The following PRH1 variants were observed in gnomAD, a reference collection of about 807,000 sequenced individuals.
PRH1 encodes the protein salivary acidic proline-rich phosphoprotein 1/2.
A neutral mutation model predicts 7.9 loss-of-function variants in PRH1; 7 were observed. The observed-to-expected ratio is 0.89, with a 90% CI of 0.50 to 1.67. PRH1 has a LOEUF of 1.67. Among genes scored for constraint, PRH1 ranks in the 40% most tolerant of loss-of-function variants. PRH1 has a pLI of 0.00. For missense variants in PRH1, 109 were observed against 223.6 expected (o/e 0.49, Z 3.27); for synonymous variants, 45 against 80.8 (o/e 0.56, Z 2.38).
intron 2 of PRH1, among the ~76,000 whole-genome samples, chr12:10,920,468 C>A (rs1207810193): frequency 6.6e-6 from 1 of 152,024 alleles, no homozygotes; most frequent in Non-Finnish European, 1.5e-5. Flanking sequence ...TATATAACAT[C>A]ATGAAACACT....
chr12:10,948,097 T>G (rs911458671), intron 2 of PRH1, among the ~76,000 whole-genome samples: 2 of 152,222 alleles, frequency 1.3e-5, no homozygotes, highest in East Asian at 3.8e-4. Flanking sequence ...AATCTGATGA[T>G]TATATATCTT....
intron 1 of PRH1, among the ~76,000 whole-genome samples, chr12:11,019,360 C>G (rs533053294): frequency 3.5e-4 from 53 of 152,400 alleles, no homozygotes; most frequent in African/African-American, 1.2e-3. Flanking sequence ...TCTTCTTTTG[C>G]CTCAGTTTCC....
intron 1 of PRH1, among the ~76,000 whole-genome samples, chr12:11,045,880 AAAG>A (rs1308341955): frequency 7.0e-6 from 1 of 142,576 alleles, no homozygotes; most frequent in African/African-American, 2.6e-5. Flanking sequence ...GTCACCAATC[AAAG>A]GTTATATAAT....
intron 1 of PRH1, among the ~76,000 whole-genome samples, chr12:10,980,561 C>T (rs886216411): frequency 2.6e-5 from 4 of 151,814 alleles, no homozygotes; most frequent in Non-Finnish European, 4.4e-5. Context: ...AATAGATGTA[C>T]ATAAATAAAT....
chr12:10,909,307 A>T (rs1416459434), intron 2 of PRH1: 1 of 1,598,270 alleles, frequency 6.3e-7, no homozygotes, highest in Non-Finnish European at 8.6e-7. Context: ...ATGTCAGAAC[A>T]GAGAAAGTTC....
intron 1 of PRH1, among the ~76,000 whole-genome samples, chr12:10,991,728 T>A (rs1436113809): frequency 1.3e-5 from 2 of 152,114 alleles, no homozygotes; most frequent in African/African-American, 4.8e-5. Context: ...AATTTAGACC[T>A]TGGGCAATCT....
intron 2 of PRH1, among the ~76,000 whole-genome samples, chr12:10,972,136 A>G (rs186934891): frequency 8.5e-5 from 13 of 152,306 alleles, no homozygotes; most frequent in Non-Finnish European, 1.8e-4. Flanking sequence ...TGAAATATAA[A>G]AATGTTTATA....
chr12:10,955,045 T>C (rs1377702895), intron 2 of PRH1, among the ~76,000 whole-genome samples: 3 of 152,046 alleles, frequency 2.0e-5, no homozygotes, highest in Admixed American at 6.6e-5. Context: ...ACTAACAAAG[T>C]TATTCAGGAC....
chr12:11,079,089 A>T (rs1186914970), intron 1 of PRH1: 1 of 115,546 alleles, frequency 8.7e-6, no homozygotes, highest in African/African-American at 2.9e-5. Flanking sequence ...GCCATTGATA[A>T]ATTTAGTCTC....
chr12:11,047,363 C>A (rs557043233), upstream of PRH1, among the ~76,000 whole-genome samples: 3 of 151,146 alleles, frequency 2.0e-5, no homozygotes, highest in South Asian at 6.3e-4. Context: ...AGTTTATATA[C>A]CCTGTTTACA....
chr12:10,993,858 T>C (rs1432119363), intron 1 of PRH1, among the ~76,000 whole-genome samples: 1 of 152,198 alleles, frequency 6.6e-6, no homozygotes, highest in Non-Finnish European at 1.5e-5. Flanking sequence ...CTGTGCATGC[T>C]TCTCACAAGC....
At chr12:11,025,044 A>G (rs1350580472) in intron 1 of PRH1, among the ~76,000 whole-genome samples, 1 of 144,778 alleles carries the variant, frequency 6.9e-6, no homozygotes, top group Non-Finnish European at 1.5e-5. Context: ...TTTTTGAGAC[A>G]TAGTCTCCCT....
chr12:10,896,446 A>C (rs994458368), intron 2 of PRH1, among the ~76,000 whole-genome samples: 5 of 152,190 alleles, frequency 3.3e-5, no homozygotes, highest in Non-Finnish European at 7.3e-5. Flanking sequence ...TCTCTGATAT[A>C]ATACCAAATC....
At chr12:10,913,833 C>CATCT (rs1949935317) in intron 2 of PRH1, among the ~76,000 whole-genome samples, 1 of 152,156 alleles carries the variant, frequency 6.6e-6, no homozygotes, top group Non-Finnish European at 1.5e-5. Flanking sequence ...GTCAATAAAC[C>CATCT]ATCTATCAGC....
At chr12:10,891,450 A>C (rs1173887652) in intron 2 of PRH1, 1 of 152,218 alleles carries the variant, frequency 6.6e-6, no homozygotes, top group African/African-American at 2.4e-5. Flanking sequence ...CCTCCTCATT[A>C]ATGAGCAACA....
chr12:11,006,917 T>C (rs1940858462), intron 1 of PRH1, among the ~76,000 whole-genome samples: 1 of 152,088 alleles, frequency 6.6e-6, no homozygotes, highest in African/African-American at 2.4e-5. Context: ...TTAAAACTGA[T>C]GTTGAAGTGA....
chr12:11,155,882 C>G (rs1277063997), intron 1 of PRH1, among the ~76,000 whole-genome samples: 2 of 152,104 alleles, frequency 1.3e-5, no homozygotes, highest in Non-Finnish European at 2.9e-5. Flanking sequence ...ATTTGATACT[C>G]AGACTCTCTT....
chr12:10,884,391 T>C, upstream of PRH1: 1 of 699,748 alleles, frequency 1.4e-6, no homozygotes, highest in Non-Finnish European at 2.5e-6. Flanking sequence ...CCCTCATTTC[T>C]TTTGGGACTC....
intron 1 of PRH1, among the ~76,000 whole-genome samples, chr12:11,002,302 G>C (rs1396330044): frequency 1.3e-5 from 2 of 152,058 alleles, no homozygotes; most frequent in Non-Finnish European, 2.9e-5. Flanking sequence ...TGTTTTCTAA[G>C]TGCTGCGTTT....
Sources: gnomAD v4.1 joint callset for allele counts (sites outside exome capture counted in the v4.1 genomes callset) on GRCh38, gnomAD v4.1.1 for gene constraint, MANE v1.5 for transcripts, NCBI Gene and HGNC (gene_info 2026-07-23, HGNC 2026-07-21) for gene names.